ANKUB1: variants seen among roughly 807,000 people sequenced by gnomAD.
ANKUB1 encodes the protein protein ANKUB1.
A neutral mutation model predicts 49.3 loss-of-function variants in ANKUB1; 42 were observed. The observed-to-expected ratio is 0.85, with a 90% CI of 0.67 to 1.10. The LOEUF (loss-of-function observed/expected upper bound fraction) is 1.10. ANKUB1 is among the 50% of genes least tolerant of loss of function. ANKUB1 has a pLI of 0.00. For missense variants in ANKUB1, 613 were observed against 642.0 expected (o/e 0.95, Z 0.49); for synonymous variants, 222 against 231.0 (o/e 0.96, Z 0.35).
intron 2 of ANKUB1, among the ~76,000 whole-genome samples, chr3:149,786,314 C>T (rs995144273): frequency 1.3e-5 from 2 of 152,180 alleles, no homozygotes; most frequent in Non-Finnish European, 2.9e-5. Context: ...GGATTACAGG[C>T]GTGAGCCACC....
chr3:149,780,252 G>A lies in ANKUB1; in HGVS notation c.438C>T (p.Tyr146=), dbSNP rs1167636795. ...ACTGGGCAGTACCAATATCAGTCTG[G>A]TAGTCCTTGAGGGTGTTGCAATCAT... The part of the protein sequence containing the change: ...EMYDCNTLKD[Y]QTDIGTTLRL... The change falls in exon 3 of 6, where the codon TAC becomes TAT. Residue 146 remains tyrosine, a synonymous_variant. Coordinates refer to ENST00000446160, the MANE Select transcript of ANKUB1 (RefSeq NM_001144960.3). 4 of 1,551,694 alleles carry A rather than the reference G, an allele frequency of 2.6e-6. No individual in the cohort carries two copies. Among genetic ancestry groups the A allele is most frequent in the Non-Finnish European group, 2.6e-6 (3 of 1,146,978 alleles).
chr3:149,792,271 A>T lies in ANKUB1; in HGVS notation c.90+6T>A, dbSNP rs1036615152. On this transcript the variant is annotated splice_donor_region_variant and intron_variant, in intron 1 of 5. Transcript: ENST00000446160. ...CATTTTGGTGGTTTGGGAACGAAGT[A>T]CATACCTTTATCATCAGCTTGACAA... 7 of 1,505,868 alleles carry T rather than the reference A, an allele frequency of 4.6e-6. No individual in the cohort carries two copies. Among genetic ancestry groups the T allele is most frequent in the Middle Eastern group, 1.7e-4 (1 of 5,804 alleles). 93.3% of individuals were successfully genotyped at this position (1,505,868 alleles called of 1,614,324 possible). A position where few individuals can be genotyped will look rare whatever the true frequency, so the allele number is the denominator to read the frequency against.
intron 2 of ANKUB1, among the ~76,000 whole-genome samples, chr3:149,790,282 G>T (rs1718303888): frequency 6.6e-6 from 1 of 152,094 alleles, no homozygotes; most frequent in South Asian, 2.1e-4. Context: ...ATTGATTAAG[G>T]ACCCTCTATA....
At chr3:149,770,920 T>C (rs1461987792) in intron 3 of ANKUB1, among the ~76,000 whole-genome samples, 1 of 151,688 alleles carries the variant, frequency 6.6e-6, no homozygotes, top group Non-Finnish European at 1.5e-5. Context: ...ACTGAAGTAT[T>C]TTTTTGCAGC....
At chr3:149,776,804 T>TAC (rs35734266) in intron 3 of ANKUB1, among the ~76,000 whole-genome samples, 46,189 of 149,480 alleles carry the variant, frequency 0.31, 7,285 homozygotes, top group Middle Eastern at 0.39. Context: ...CTATAAAAAA[T>TAC]ACACACACAC....
At chr3:149,763,720 C>G (rs929277229) in intron 5 of ANKUB1, among the ~76,000 whole-genome samples, 2 of 152,158 alleles carry the variant, frequency 1.3e-5, no homozygotes, top group Non-Finnish European at 2.9e-5. Context: ...TATTCTTTGA[C>G]CTGTGTAAAG....
rs114930868 is a variant in ANKUB1, at chr3:149,764,205, G to A, written c.1506-2592C>T. ...ATTTAGAGGGGTGCTCAGACCACCTGACTGCCTGCCTTGACTGTCTACTTC... is the reference window on the plus strand; with the variant it reads ...ATTTAGAGGGGTGCTCAGACCACCTAACTGCCTGCCTTGACTGTCTACTTC... On this transcript the variant is annotated intron_variant, in intron 5 of 5. Transcript: ENST00000446160. 4.9e-3 allele frequency among the ~76,000 whole-genome samples: 749 copies of A among 152,278 alleles called. 7 individuals carry two copies. Among genetic ancestry groups the A allele is most frequent in the African/African-American group, 0.017 (720 of 41,544 alleles).
In ANKUB1 at chr3:149,781,323, G is replaced by A. The variant is rs75974485; in HGVS notation, c.235-868C>T. On this transcript the variant is annotated intron_variant, in intron 2 of 5. Transcript: ENST00000446160. The stretch of plus-strand genomic sequence containing the variant: ...AAGCCAAACCAAAACTCAAAATACA[G>A]CGAATAGGAAAAATGGGAAGCAAGT... Among the ~76,000 whole-genome samples, 13 of 152,236 alleles carry A rather than the reference G, an allele frequency of 8.5e-5. No individual in the cohort carries two copies. In the East Asian group the frequency reaches 2.1e-3, roughly 25 times the overall value.
intron 5 of ANKUB1, among the ~76,000 whole-genome samples, chr3:149,764,627 CCT>C (rs1716929201): frequency 1.5e-5 from 2 of 137,882 alleles, no homozygotes; most frequent in Admixed American, 7.4e-5. Context: ...CTCCTCCCTT[CCT>C]CCCTTCCTCT....
chr3:149,786,158 C>G (rs1355868979), intron 2 of ANKUB1, among the ~76,000 whole-genome samples: 1 of 152,170 alleles, frequency 6.6e-6, no homozygotes, highest in Non-Finnish European at 1.5e-5. Flanking sequence ...GCCTCAGCCT[C>G]CCCGGTAGCT....
chr3:149,789,975 C>G (rs1247240821), intron 2 of ANKUB1, among the ~76,000 whole-genome samples: 2 of 152,144 alleles, frequency 1.3e-5, no homozygotes, highest in Non-Finnish European at 2.9e-5. Flanking sequence ...ACTTTGACTA[C>G]CATAATTTTT....
Position 149,779,193 on chromosome 3 carries a change from T to C in ANKUB1, c.451+1046A>G, listed in dbSNP as rs78961359. On this transcript the variant is annotated intron_variant, in intron 3 of 5. Transcript: ENST00000446160. ...AAGTACAGATTTTTTTTTTTTTTTT[T>C]CGAGACAGGGTCTTGCTGTCACCCA... is the stretch of plus-strand genomic sequence containing the variant. 6.6e-5 allele frequency: 10 copies of C among 151,220 alleles called. No homozygotes were observed. In the East Asian group the frequency reaches 1.4e-3, roughly 20 times the overall value. The allele number at this position is 151,220 out of a possible 1,614,324, so 9.4% of individuals were successfully genotyped here. A position where few individuals can be genotyped will look rare whatever the true frequency, so the allele number is the denominator to read the frequency against.
In ANKUB1 at chr3:149,780,407, T is replaced by G. The variant is rs1205816705; in HGVS notation, c.283A>C (p.Thr95Pro). ...GAAATGCTCTCCATTACTGGCATTGTGTCTTGAGTTACAGCATTGAACACG... is the reference window on the plus strand; with the variant it reads ...GAAATGCTCTCCATTACTGGCATTGGGTCTTGAGTTACAGCATTGAACACG... ...LYVFNAVTQDTMPVMESISLL... is the reference protein window; with the variant it reads ...LYVFNAVTQDPMPVMESISLL... Residue 95 changes from threonine to proline, a missense_variant, in exon 3 of 6, where the codon ACA becomes CCA. Thr to Pro is a conservative substitution (Grantham distance 38, BLOSUM62 -1). Transcript: ENST00000446160. 4 of 1,552,246 alleles carry G rather than the reference T, an allele frequency of 2.6e-6. No individual in the cohort carries two copies. The highest frequency in any genetic ancestry group is 3.5e-6 in the Non-Finnish European group (4 of 1,147,084).
At chr3:149,790,042 C>T (rs1576685758) in intron 2 of ANKUB1, among the ~76,000 whole-genome samples, 1 of 152,074 alleles carries the variant, frequency 6.6e-6, no homozygotes, top group Non-Finnish European at 1.5e-5. Flanking sequence ...GTATACTTTC[C>T]TAAGTTTCCT....
chr3:149,786,976 C>A (rs1718126882), intron 2 of ANKUB1, among the ~76,000 whole-genome samples: 1 of 152,050 alleles, frequency 6.6e-6, no homozygotes, highest in African/African-American at 2.4e-5. Flanking sequence ...GTTACTTTAG[C>A]CTTATAGTAT....
intron 3 of ANKUB1, among the ~76,000 whole-genome samples, chr3:149,776,952 G>A (rs1717621595): frequency 6.8e-6 from 1 of 146,734 alleles, no homozygotes; most frequent in African/African-American, 2.6e-5. Context: ...ATTCCAGCCT[G>A]GGTGATGGAG....
chr3:149,763,709 A>G (rs1413621288), intron 5 of ANKUB1, among the ~76,000 whole-genome samples: 1 of 152,150 alleles, frequency 6.6e-6, no homozygotes, highest in Non-Finnish European at 1.5e-5. Context: ...CACCTTACAG[A>G]TATTCTTTGA....
chr3:149,768,594 T>C (rs564647847), intron 4 of ANKUB1, among the ~76,000 whole-genome samples: 1 of 151,316 alleles, frequency 6.6e-6, no homozygotes. Flanking sequence ...CAGGCTGGAG[T>C]GCAGTGATGC....
intron 3 of ANKUB1, among the ~76,000 whole-genome samples, chr3:149,772,306 C>T (rs572650139): frequency 1.1e-4 from 16 of 152,298 alleles, no homozygotes; most frequent in Non-Finnish European, 4.4e-5. Context: ...CAGGTGTGAG[C>T]CATTGCGCCC....
Sources: allele counts gnomAD v4.1 joint callset (sites outside exome capture counted in the v4.1 genomes callset), GRCh38; gene constraint gnomAD v4.1.1; transcripts MANE v1.5; gene names NCBI Gene and HGNC (gene_info 2026-07-23, HGNC 2026-07-21).